Variants in BMAL2 observed in about 807,000 individuals in gnomAD.
BMAL2 encodes basic helix-loop-helix ARNT-like protein 2.
At chr12:27,368,897 T>C in the BMAL2 span, among the ~76,000 whole-genome samples, 1 of 152,188 alleles carries the variant, frequency 6.6e-6, no homozygotes. Context: ...GCCCACTATC[T>C]CCCTATTTAT....
the BMAL2 span, chr12:27,385,362 G>A: frequency 1.8e-6 from 1 of 558,490 alleles, no homozygotes; most frequent in Non-Finnish European, 3.2e-6. Flanking sequence ...AATGATTACA[G>A]AAAATGTCTT....
At chr12:27,380,751 T>C in the BMAL2 span, among the ~76,000 whole-genome samples, 1 of 152,194 alleles carries the variant, frequency 6.6e-6, no homozygotes, top group African/African-American at 2.4e-5. Flanking sequence ...GGCTCATGCT[T>C]GTAATCCCCG....
At chr12:27,390,127 T>C in the BMAL2 span, 1 of 1,614,028 alleles carries the variant, frequency 6.2e-7, no homozygotes, top group Middle Eastern at 1.6e-4. Context: ...ATCTCCACGC[T>C]GGAAGGACAC....
At chr12:27,371,693 C>T in the BMAL2 span, among the ~76,000 whole-genome samples, 11 of 148,058 alleles carry the variant, frequency 7.4e-5, no homozygotes, top group African/African-American at 2.8e-4. Context: ...CACTTTTTCA[C>T]TTTTTTATTA....
At chr12:27,420,019 G>GCGCACA in the BMAL2 span, among the ~76,000 whole-genome samples, 2 of 147,478 alleles carry the variant, frequency 1.4e-5, no homozygotes, top group African/African-American at 2.5e-5. Context: ...GTTTGCGCGT[G>GCGCACA]CACACACACA....
At chr12:27,375,990 A>G in the BMAL2 span, among the ~76,000 whole-genome samples, 1 of 152,242 alleles carries the variant, frequency 6.6e-6, no homozygotes, top group Non-Finnish European at 1.5e-5. Flanking sequence ...TGGTTAAGCC[A>G]TCAATGATGT....
At chr12:27,380,973 GTC>G in the BMAL2 span, among the ~76,000 whole-genome samples, 1 of 131,598 alleles carries the variant, frequency 7.6e-6, no homozygotes, top group Non-Finnish European at 1.6e-5. Context: ...GTGACAGCCT[GTC>G]TCAGAAAAAA....
chr12:27,341,455 C>T, the BMAL2 span, among the ~76,000 whole-genome samples: 1 of 152,212 alleles, frequency 6.6e-6, no homozygotes, highest in African/African-American at 2.4e-5. Flanking sequence ...TTGCTCCCCA[C>T]GGATAAAGCC....
chr12:27,361,863 A>G, the BMAL2 span, among the ~76,000 whole-genome samples: 1 of 152,176 alleles, frequency 6.6e-6, no homozygotes, highest in African/African-American at 2.4e-5. Flanking sequence ...TTATAAGGCA[A>G]TACTCCCCAC....
the BMAL2 span, among the ~76,000 whole-genome samples, chr12:27,352,329 T>G: frequency 9.2e-5 from 14 of 152,182 alleles, no homozygotes; most frequent in Non-Finnish European, 1.6e-4. Flanking sequence ...ACACCACAAG[T>G]GGAAAATTCC....
chr12:27,401,578 A>T, the BMAL2 span: 1 of 1,610,026 alleles, frequency 6.2e-7, no homozygotes, highest in Non-Finnish European at 8.5e-7. Flanking sequence ...AGAGCAAAAG[A>T]TGGCTCTTTT....
chr12:27,335,922 A>G, the BMAL2 span, among the ~76,000 whole-genome samples: 1 of 152,194 alleles, frequency 6.6e-6, no homozygotes, highest in African/African-American at 2.4e-5. Context: ...AGGAGAATAC[A>G]GTGATTTCAG....
the BMAL2 span, among the ~76,000 whole-genome samples, chr12:27,348,777 G>A: frequency 6.6e-6 from 1 of 152,208 alleles, no homozygotes; most frequent in East Asian, 1.9e-4. Flanking sequence ...AGTGTGGGCA[G>A]TGTGTCTGGG....
At chr12:27,383,613 C>G in the BMAL2 span, among the ~76,000 whole-genome samples, 1 of 152,174 alleles carries the variant, frequency 6.6e-6, no homozygotes, top group Non-Finnish European at 1.5e-5. Context: ...CCACTTCTGC[C>G]TGGTATGCTC....
chr12:27,376,291 GAACTAC>G, the BMAL2 span: 1 of 1,448,996 alleles, frequency 6.9e-7, no homozygotes, highest in Non-Finnish European at 9.7e-7. Context: ...TCTCTATCAA[GAACTAC>G]AGAAAAGGTA....
the BMAL2 span, among the ~76,000 whole-genome samples, chr12:27,369,061 C>T: frequency 1.3e-5 from 2 of 152,124 alleles, no homozygotes. Context: ...CGTTTGAGCC[C>T]AGATGTTTGA....
At chr12:27,387,407 C>T in the BMAL2 span, 1 of 860,968 alleles carries the variant, frequency 1.2e-6, no homozygotes, top group South Asian at 1.5e-5. Flanking sequence ...AACACCTTCT[C>T]CCCACTGGGA....
At chr12:27,376,233 AT>A in the BMAL2 span, 2 of 940,124 alleles carry the variant, frequency 2.1e-6, no homozygotes, top group African/African-American at 3.3e-5. Context: ...ACAGCTAAGG[AT>A]TTTATAGGAA....
the BMAL2 span, among the ~76,000 whole-genome samples, chr12:27,362,738 A>G: frequency 6.6e-6 from 1 of 152,264 alleles, no homozygotes; most frequent in African/African-American, 2.4e-5. Flanking sequence ...TGAACTTTAT[A>G]TAAATTTTTA....
Sources: gnomAD v4.1 joint callset for allele counts (sites outside exome capture counted in the v4.1 genomes callset) on GRCh38, gnomAD v4.1.1 for gene constraint, MANE v1.5 for transcripts, NCBI Gene and HGNC (gene_info 2026-07-23, HGNC 2026-07-21) for gene names.